The following UTP20 variants were observed in gnomAD, a reference collection of about 807,000 sequenced individuals.
UTP20 encodes UTP20 small subunit processome component, also known as small subunit processome component 20 homolog.
A neutral mutation model predicts 329.5 loss-of-function variants in UTP20; 164 were observed. That is an observed-to-expected ratio of 0.50 (90% CI 0.44 to 0.57). UTP20 has a LOEUF of 0.57. Among genes scored for constraint, UTP20 ranks in the 20% least tolerant of loss-of-function variants. The probability of loss-of-function intolerance (pLI) is 0.00; values close to 1 mark genes in which losing one functional copy is unlikely to be tolerated. For synonymous variants in UTP20, 1,151 were observed against 1,159.3 expected (o/e 0.99, Z 0.14); for missense variants, 3,055 against 3,284.2 (o/e 0.93, Z 1.71).
At chr12:101,356,459 C>T in intron 41 of UTP20, 95 bp from the exon 42 acceptor site, 1 of 1,133,286 alleles carries the variant, frequency 8.8e-7, no homozygotes. Flanking sequence ...ATCCATCCTT[C>T]TAGAAAAACT....
At chr12:101,314,758 G>A (rs986365416) in intron 21 of UTP20, among the ~76,000 whole-genome samples, 9 of 152,098 alleles carry the variant, frequency 5.9e-5, no homozygotes, top group African/African-American at 2.2e-4. Flanking sequence ...GGATGTAGGT[G>A]GAGGGAAATG....
In UTP20 at chr12:101,327,205, T is replaced by G. The variant is rs954080236; in HGVS notation, c.3166T>G (p.Phe1056Val). Residue 1056 changes from phenylalanine (F) to valine (V), a missense_variant, in exon 26 of 62, where the codon TTC becomes GTC. Transcript: ENST00000261637. ...AGTQPEEIQI[F>V]LDLLFEPVRH... ...GACCCAACCTGAGGAGATCCAGATA[T>G]TCTTAGACCTGCTGTTTGAACCTGT... 1.2e-6 allele frequency: 2 copies of G among 1,607,852 alleles called. No individual in the cohort carries two copies. Among genetic ancestry groups the G allele is most frequent in the Non-Finnish European group, 1.7e-6 (2 of 1,174,884 alleles).
At chr12:101,284,079 A>G (rs1871883048) in intron 2 of UTP20, among the ~76,000 whole-genome samples, 1 of 150,978 alleles carries the variant, frequency 6.6e-6, no homozygotes, top group Non-Finnish European at 1.5e-5. Flanking sequence ...ACATATTTGT[A>G]TTTATTTTTA....
Position 101,363,747 on chromosome 12 carries a change from A to G in UTP20, c.5958+4A>G. 3.2e-6 allele frequency: 5 copies of G among 1,584,310 alleles called. No homozygotes were observed. Among genetic ancestry groups the G allele is most frequent in the Middle Eastern group, 1.7e-4 (1 of 5,998 alleles). On this transcript the variant is annotated splice_donor_region_variant and intron_variant, in intron 45 of 61. Transcript: ENST00000261637. ...ACTCATCCTTCCATTAAAAGAGGTA[A>G]GGACGTAAATGCAATTCTGGAGATC...
At position 101,362,169 on chromosome 12, in the gene UTP20, G is replaced by GT. The variant is rs1404061092; in HGVS notation, c.5790+110dup. 19 of 751,154 alleles carry GT rather than the reference G, an allele frequency of 2.5e-5. No homozygotes were observed. The South Asian group carries it at 3.0e-4, about 12-fold the overall frequency. The allele number at this position is 751,154 out of a possible 1,614,324, so 46.5% of individuals were successfully genotyped here. A position where few individuals can be genotyped will look rare whatever the true frequency, so the allele number is the denominator to read the frequency against. On this transcript the variant is annotated intron_variant, in intron 44 of 61. Transcript: ENST00000261637. The stretch of plus-strand genomic sequence containing the variant: ...AATAGCCCATAAAAATGAAAATAAT[G>GT]TAACACCTCATCTTTTAGATTAGCA...
At chr12:101,302,397 A>T in intron 14 of UTP20, 51 bp from the exon 15 acceptor site, 1 of 1,124,864 alleles carries the variant, frequency 8.9e-7, no homozygotes, top group Non-Finnish European at 1.3e-6. Flanking sequence ...TTGATAGTTA[A>T]TAATGTCAAA....
intron 22 of UTP20, 46 bp downstream of exon 22, chr12:101,317,709 G>T: frequency 6.5e-7 from 1 of 1,538,312 alleles, no homozygotes; most frequent in East Asian, 2.4e-5. Flanking sequence ...AGTTCTGGGA[G>T]GAACAGGAAG....
At chr12:101,309,559 A>C (rs989211102) in intron 18 of UTP20, among the ~76,000 whole-genome samples, 3 of 152,226 alleles carry the variant, frequency 2.0e-5, no homozygotes, top group Non-Finnish European at 4.4e-5. Context: ...CGATTCTTCT[A>C]TTTTAAATAG....
intron 35 of UTP20, among the ~76,000 whole-genome samples, 199 bp downstream of exon 35, chr12:101,343,292 A>G (rs1232178283): frequency 6.6e-6 from 1 of 152,198 alleles, no homozygotes; most frequent in African/African-American, 2.4e-5. Flanking sequence ...TGTGAATAAA[A>G]TAATACATAT....
chr12:101,312,421 T>A, intron 21 of UTP20, 145 bp downstream of exon 21: 1 of 1,249,536 alleles, frequency 8.0e-7, no homozygotes, highest in Non-Finnish European at 1.1e-6. Flanking sequence ...GAGGTATTTT[T>A]TGTTTGTTTG....
At chr12:101,353,554 G>A (rs1869611319) in intron 40 of UTP20, among the ~76,000 whole-genome samples, 1 of 152,006 alleles carries the variant, frequency 6.6e-6, no homozygotes, top group African/African-American at 2.4e-5. Context: ...TTATAAATTG[G>A]GCCAGAGACA....
At chr12:101,381,102 CTG>C (rs1870631219) in intron 57 of UTP20, 36 bp from the exon 58 acceptor site, 1 of 1,511,176 alleles carries the variant, frequency 6.6e-7, no homozygotes, top group Non-Finnish European at 9.2e-7. Context: ...CAGAAATGTC[CTG>C]TGTTTTGTCT....
rs1418065939 is a variant in UTP20, at chr12:101,310,775, C to A, written c.2231+936C>A. Among the ~76,000 whole-genome samples the A allele has an allele frequency of 2.6e-5, 4 of 152,006 alleles. No individual in the cohort carries two copies. The East Asian group carries it at 7.7e-4, about 29-fold the overall frequency. ...GAATAAGAGAGTTAACATTTATAGA[C>A]AGATCCCTTTACAATTTGAAACTAA... is the stretch of plus-strand genomic sequence containing the variant. On this transcript the variant is annotated intron_variant, in intron 19 of 61. Coordinates refer to ENST00000261637, the MANE Select transcript of UTP20 (RefSeq NM_014503.3).
chr12:101,321,485 C>T lies in UTP20; in HGVS notation c.2916-19C>T. Reference sequence around the variant, plus strand: ...ACTGTTGATAAAGTGGTGATTTGTGCTGTTCTCTGTTTTTAAAGGGAAAAC... The same window carrying T: ...ACTGTTGATAAAGTGGTGATTTGTGTTGTTCTCTGTTTTTAAAGGGAAAAC... On this transcript the variant is annotated intron_variant, in intron 24 of 61. Transcript: ENST00000261637. The T allele has an allele frequency of 6.2e-7, 1 of 1,610,376 alleles. No homozygotes were observed. The highest frequency in any genetic ancestry group is 8.5e-7 in the Non-Finnish European group (1 of 1,178,174).
intron 56 of UTP20, among the ~76,000 whole-genome samples, chr12:101,376,645 T>G (rs183321921): frequency 9.9e-4 from 151 of 152,246 alleles, no homozygotes; most frequent in African/African-American, 3.0e-3. Context: ...AACCACTTTT[T>G]TTTTGTTTTG....
In UTP20 at chr12:101,312,116, G is replaced by T. The variant is rs1455209571; in HGVS notation, c.2392G>T (p.Gly798Ter). 1 of 1,614,218 alleles carries T rather than the reference G, an allele frequency of 6.2e-7. No individual in the cohort carries two copies. Among genetic ancestry groups the T allele is most frequent in the Non-Finnish European group, 8.5e-7 (1 of 1,180,044 alleles). Reference protein sequence around the residue: ...SWEQTQEGDVGALYHEQLALK... With the variant: ...SWEQTQEGDV ...GGAGCAGACCCAGGAAGGAGATGTT[G>T]GAGCTCTTTATCATGAGCAGTTAGC... The change falls in exon 21 of 62, where the codon GGA (glycine) becomes TGA (stop). Residue 798 changes from glycine to a stop codon, truncating the protein, a stop_gained. Coordinates refer to ENST00000261637, the MANE Select transcript of UTP20 (RefSeq NM_014503.3). LOFTEE classifies it high-confidence loss of function.
rs1489832815 is a variant in UTP20, at chr12:101,326,932, T to G, written c.3042-149T>G. ...TGTTGACTTTTTTCATTGTCTGTGTTAAATATCTAATTTCTATTTTCATGT... is the reference window on the plus strand; with the variant it reads ...TGTTGACTTTTTTCATTGTCTGTGTGAAATATCTAATTTCTATTTTCATGT... On this transcript the variant is annotated intron_variant, in intron 25 of 61. Coordinates refer to ENST00000261637, the MANE Select transcript of UTP20 (RefSeq NM_014503.3). The G allele has an allele frequency of 1.1e-5, 9 of 844,288 alleles. No homozygotes were observed. The African/African-American group carries it at 1.4e-4, about 13-fold the overall frequency. The allele number at this position is 844,288 out of a possible 1,614,324, so 52.3% of individuals were successfully genotyped here. A position where few individuals can be genotyped will look rare whatever the true frequency, so the allele number is the denominator to read the frequency against.
chr12:101,324,145 A>T lies in UTP20; in HGVS notation c.3041+2516A>T, dbSNP rs10219496. 2.6e-3 allele frequency among the ~76,000 whole-genome samples: 352 copies of T among 132,998 alleles called. 3 individuals are homozygous for T. The highest frequency in any genetic ancestry group is 8.6e-3 in the African/African-American group (341 of 39,488). 87.3% of individuals were successfully genotyped at this position (132,998 alleles called of 152,430 possible). On this transcript the variant is annotated intron_variant, in intron 25 of 61. Coordinates refer to ENST00000261637, the MANE Select transcript of UTP20 (RefSeq NM_014503.3). ...GAGCGAGACTCTGTCTCAAAAAAATAAAAAAATAAATAAATAAATAATAAT... is the reference window on the plus strand; with the variant it reads ...GAGCGAGACTCTGTCTCAAAAAAATTAAAAAATAAATAAATAAATAATAAT...
chr12:101,367,241 C>T (rs1870126385), intron 47 of UTP20, among the ~76,000 whole-genome samples: 1 of 152,068 alleles, frequency 6.6e-6, no homozygotes, highest in African/African-American at 2.4e-5. Flanking sequence ...GCTATTAACG[C>T]ACCACTGCAC....
Sources: allele counts gnomAD v4.1 joint callset (sites outside exome capture counted in the v4.1 genomes callset), GRCh38; gene constraint gnomAD v4.1.1; transcripts MANE v1.5; gene names NCBI Gene and HGNC (gene_info 2026-07-23, HGNC 2026-07-21).